The following NINL variants were observed in gnomAD, a reference collection of about 807,000 sequenced individuals.
NINL encodes the protein ninein like, also known as ninein-like protein.
In NINL, 153 loss-of-function variants were observed where a neutral mutation model predicts 160.3. The observed-to-expected ratio is 0.95, with a 90% CI of 0.84 to 1.09. The LOEUF (loss-of-function observed/expected upper bound fraction) is 1.09, where lower values mean the gene tolerates loss of function less well. NINL is among the 50% of genes least tolerant of loss of function. NINL has a pLI of 0.00. For synonymous variants in NINL, 800 were observed against 734.8 expected (o/e 1.09, Z -1.43); for missense variants, 1,829 against 1,764.0 (o/e 1.04, Z -0.66).
chr20:25,499,294 C>A, intron 8 of NINL: 1 of 933,882 alleles, frequency 1.1e-6, no homozygotes, highest in Non-Finnish European at 1.3e-6. Flanking sequence ...GCCACAGCAG[C>A]CTGAGGTCAG....
At chr20:25,567,713 T>A (rs1360845108) in intron 1 of NINL, among the ~76,000 whole-genome samples, 1 of 151,994 alleles carries the variant, frequency 6.6e-6, no homozygotes, top group Admixed American at 6.6e-5. Context: ...TTTAAAAGAA[T>A]AGAAATAATA....
intron 13 of NINL, 178 bp downstream of exon 13, chr20:25,489,066 A>G (rs1374937012): frequency 3.2e-6 from 2 of 633,544 alleles, no homozygotes; most frequent in African/African-American, 3.6e-5. Context: ...CCTTCAGGAT[A>G]GGTGGCAACG....
intron 1 of NINL, among the ~76,000 whole-genome samples, chr20:25,538,347 C>T (rs1243996319): frequency 1.3e-5 from 2 of 152,280 alleles, no homozygotes; most frequent in South Asian, 2.1e-4. Context: ...CAGTGGACCA[C>T]CACGGAAGGG....
chr20:25,550,538 T>C lies in NINL; in HGVS notation c.-11-23940A>G, dbSNP rs187135006. ...AGTATTTATTGATCACTATCTATAC[T>C]ATCTCGGTGAGGGGGATGTGGCAGG... On this transcript the variant is annotated intron_variant, in intron 1 of 23. Transcript: ENST00000278886. 7.9e-5 allele frequency among the ~76,000 whole-genome samples: 12 copies of C among 151,846 alleles called. No individual in the cohort carries two copies. In the East Asian group the frequency reaches 1.6e-3, roughly 20 times the overall value.
chr20:25,550,190 G>A (rs1187263650), intron 1 of NINL, among the ~76,000 whole-genome samples: 4 of 152,222 alleles, frequency 2.6e-5, no homozygotes, highest in East Asian at 1.9e-4. Context: ...GGAACAGCCT[G>A]AGCAACATAG....
At position 25,481,966 on chromosome 20, in the gene NINL, A is replaced by G; in HGVS notation, c.1810+2T>C. On this transcript the variant is annotated splice_donor_variant, in intron 14 of 23. Transcript: ENST00000278886. LOFTEE classifies it high-confidence loss of function. ...AGCCCCCTCCCAGGGACGGGCTCCT[A>G]CCTGCTGGGCCGAGTCCAGGGAGCT... The G allele has an allele frequency of 1.9e-6, 3 of 1,595,632 alleles. No homozygotes were observed. The East Asian group carries it at 6.7e-5, about 36-fold the overall frequency.
chr20:25,536,158 A>G lies in NINL; in HGVS notation c.-11-9560T>C, dbSNP rs73904486. On this transcript the variant is annotated intron_variant, in intron 1 of 23. Transcript: ENST00000278886. The stretch of plus-strand genomic sequence containing the variant: ...AGGGTAAATGACTTTCCACCTACCC[A>G]AGAGACTATATAACCCACGCTGAAT... Among the ~76,000 whole-genome samples, 874 of 152,284 alleles carry G rather than the reference A, an allele frequency of 5.7e-3. 8 individuals carry two copies. The highest frequency in any genetic ancestry group is 0.02 in the African/African-American group (835 of 41,546).
intron 14 of NINL, among the ~76,000 whole-genome samples, chr20:25,480,580 G>A (rs866105885): frequency 6.6e-6 from 1 of 152,186 alleles, no homozygotes; most frequent in African/African-American, 2.4e-5. Flanking sequence ...GGGTCACGGA[G>A]GAAATGGAAG....
In NINL at chr20:25,482,032, G is replaced by C. The variant is rs770130623; in HGVS notation, c.1746C>G (p.Asn582Lys). The change falls in exon 14 of 24, where the codon AAC becomes AAG. Residue 582 changes from asparagine to lysine, a missense_variant. Transcript: ENST00000278886. ...LEGLWARLPKNRHSPSWSPDG... is the reference protein window; with the variant it reads ...LEGLWARLPKKRHSPSWSPDG... ...CCGGGCTCCATGAGGGGCTGTGCCGGTTCTTGGGCAGCCGCGCCCACAGGC... is the reference window on the plus strand; with the variant it reads ...CCGGGCTCCATGAGGGGCTGTGCCGCTTCTTGGGCAGCCGCGCCCACAGGC... 1.0e-5 allele frequency: 16 copies of C among 1,598,658 alleles called. No homozygotes were observed. The East Asian group carries it at 2.9e-4, about 29-fold the overall frequency.
chr20:25,484,933 G>A (rs1236033262), intron 13 of NINL, among the ~76,000 whole-genome samples: 1 of 152,226 alleles, frequency 6.6e-6, no homozygotes, highest in Non-Finnish European at 1.5e-5. Context: ...CCTCGGTTGG[G>A]AGATCAGAAG....
chr20:25,549,941 A>G (rs2064786429), intron 1 of NINL, among the ~76,000 whole-genome samples: 1 of 152,262 alleles, frequency 6.6e-6, no homozygotes, highest in Non-Finnish European at 1.5e-5. Context: ...GAAAACTTTT[A>G]GAGCCACAAG....
intron 17 of NINL, among the ~76,000 whole-genome samples, chr20:25,473,277 T>C (rs1337361770): frequency 9.2e-5 from 14 of 152,220 alleles, no homozygotes. Flanking sequence ...ATTGTACAAA[T>C]ATATACATTT....
At chr20:25,585,009 G>A (rs1377715851) in intron 1 of NINL, among the ~76,000 whole-genome samples, 1 of 152,166 alleles carries the variant, frequency 6.6e-6, no homozygotes, top group Non-Finnish European at 1.5e-5. Flanking sequence ...CTGGCAGGAG[G>A]GAATCCTGGG....
In NINL at chr20:25,491,458, G is replaced by C. The variant is rs781696949; in HGVS notation, c.1378C>G (p.Leu460Val). 2.5e-6 allele frequency: 4 copies of C among 1,614,026 alleles called. No homozygotes were observed. The Admixed American group carries it at 5.0e-5, about 20-fold the overall frequency. Reference sequence around the variant, plus strand: ...TGCCTGTGGGCCTGCTCCCAGAACAGCTCTCGCTCCGCCTCCACCTCAGAC... The same window carrying C: ...TGCCTGTGGGCCTGCTCCCAGAACACCTCTCGCTCCGCCTCCACCTCAGAC... ...LRSEVEAERE[L>V]FWEQAHRQRA... Residue 460 changes from leucine to valine, a missense_variant, in exon 11 of 24, where the codon CTG becomes GTG. Physicochemically the swap from Leu to Val is conservative, Grantham distance 32. Transcript: ENST00000278886.
chr20:25,483,359 G>T (rs1022696850), intron 13 of NINL, among the ~76,000 whole-genome samples: 1 of 151,818 alleles, frequency 6.6e-6, no homozygotes, highest in South Asian at 2.1e-4. Flanking sequence ...GAAAAGAAAA[G>T]AAAAGAAAAT....
At chr20:25,489,783 C>T in intron 12 of NINL, 92 bp downstream of exon 12, 1 of 961,542 alleles carries the variant, frequency 1.0e-6, no homozygotes, top group Non-Finnish European at 1.7e-6. Context: ...CATTCTGTGA[C>T]CTGCCGCATC....
chr20:25,457,376 T>C (rs935876567), intron 22 of NINL, among the ~76,000 whole-genome samples: 4 of 152,164 alleles, frequency 2.6e-5, no homozygotes, highest in Non-Finnish European at 5.9e-5. Context: ...CCACACAGCT[T>C]TCCTTTCTCT....
chr20:25,514,439 A>G (rs1601195762), intron 3 of NINL, among the ~76,000 whole-genome samples: 2 of 152,242 alleles, frequency 1.3e-5, no homozygotes, highest in East Asian at 3.8e-4. Context: ...AAACTAAAAC[A>G]TATTTAAAAG....
chr20:25,459,339 C>G (rs943825820), intron 21 of NINL, among the ~76,000 whole-genome samples: 2 of 152,102 alleles, frequency 1.3e-5, no homozygotes, highest in African/African-American at 4.8e-5. Context: ...ACTGACTCAG[C>G]CGAGCTGGGG....
Sources: gnomAD v4.1 joint callset for allele counts (sites outside exome capture counted in the v4.1 genomes callset) on GRCh38, gnomAD v4.1.1 for gene constraint, MANE v1.5 for transcripts, NCBI Gene and HGNC (gene_info 2026-07-23, HGNC 2026-07-21) for gene names.